The following ASPH variants were observed in gnomAD, a reference collection of about 807,000 sequenced individuals.
The protein encoded by ASPH is aspartate beta-hydroxylase.
In ASPH, 100 loss-of-function variants were observed where a neutral mutation model predicts 118.4. That is an observed-to-expected ratio of 0.84 (90% CI 0.72 to 1.00). The LOEUF is 1.00. ASPH is among the 50% of genes least tolerant of loss of function. The probability of loss-of-function intolerance (pLI) is 0.00; values close to 1 mark genes in which losing one functional copy is unlikely to be tolerated. For synonymous variants in ASPH, 315 were observed against 325.6 expected (o/e 0.97, Z 0.35); for missense variants, 920 against 919.5 (o/e 1.00, Z -0.01).
At chr8:61,626,265 T>C (rs1394832789) in intron 13 of ASPH, 11 of 1,566,038 alleles carry the variant, frequency 7.0e-6, no homozygotes, top group South Asian at 4.8e-5. Flanking sequence ...GGCAGTCTTT[T>C]TGAAGCTTTA....
intron 13 of ASPH, chr8:61,624,241 A>C (rs1373186431): frequency 3.0e-6 from 3 of 985,270 alleles, no homozygotes; most frequent in African/African-American, 1.7e-5. Context: ...TGGGGAAAAA[A>C]GGTGGAGCAG....
rs1366889367 is a variant in ASPH at position 61,678,865 on chromosome 8, AT to A, written c.322+2102del. 2.6e-5 allele frequency among the ~76,000 whole-genome samples: 4 copies of A among 152,222 alleles called. No homozygotes were observed. In the East Asian group the frequency reaches 7.7e-4, roughly 29 times the overall value. ...GAACGTACCTTGGAAGTCTGGCTTC[AT>A]TTTGGGTATATGCTCACTGTAGTGC... On this transcript the variant is annotated intron_variant, in intron 3 of 24. Transcript: ENST00000379454.
intron 12 of ASPH, among the ~76,000 whole-genome samples, chr8:61,634,493 A>C (rs1202336649): frequency 6.6e-6 from 1 of 152,232 alleles, no homozygotes; most frequent in Non-Finnish European, 1.5e-5. Context: ...TTCTTGCATT[A>C]ATTTGCTTCT....
intron 3 of ASPH, among the ~76,000 whole-genome samples, chr8:61,680,077 C>G (rs1258368007): frequency 6.6e-6 from 1 of 151,428 alleles, no homozygotes; most frequent in Non-Finnish European, 1.5e-5. Context: ...CTACTAAAAG[C>G]AGTTTCACTA....
intron 16 of ASPH, among the ~76,000 whole-genome samples, chr8:61,573,206 T>C (rs868143681): frequency 1.3e-3 from 194 of 152,154 alleles, no homozygotes; most frequent in African/African-American, 4.4e-3. Flanking sequence ...CTCAAGGAAA[T>C]CAGAGAGGAC....
At chr8:61,646,913 C>A (rs1808323565) in intron 5 of ASPH, 35 bp from the exon 6 acceptor site, 1 of 1,612,308 alleles carries the variant, frequency 6.2e-7, no homozygotes, top group Non-Finnish European at 8.5e-7. Context: ...TGGCAACATA[C>A]AACTGAGACA....
intron 16 of ASPH, among the ~76,000 whole-genome samples, chr8:61,572,548 G>A (rs903554998): frequency 3.9e-5 from 6 of 152,068 alleles, no homozygotes; most frequent in African/African-American, 1.4e-4. Flanking sequence ...TCAGCTGGCC[G>A]AACCAAAAAC....
intron 1 of ASPH, among the ~76,000 whole-genome samples, chr8:61,712,096 A>C (rs967681808): frequency 4.6e-5 from 7 of 152,244 alleles, no homozygotes; most frequent in African/African-American, 1.7e-4. Context: ...TGAACTAAAC[A>C]ACCTTCAATG....
intron 1 of ASPH, among the ~76,000 whole-genome samples, chr8:61,709,940 T>C (rs1254338598): frequency 1.3e-5 from 2 of 152,202 alleles, no homozygotes; most frequent in African/African-American, 2.4e-5. Context: ...ATCTCAAGAA[T>C]ATACATTTTA....
intron 7 of ASPH, 70 bp downstream of exon 7, chr8:61,644,530 A>T: frequency 9.3e-7 from 1 of 1,073,026 alleles, no homozygotes; most frequent in Non-Finnish European, 1.3e-6. Flanking sequence ...AATAGATATT[A>T]TGTATTTTAT....
intron 21 of ASPH, among the ~76,000 whole-genome samples, chr8:61,533,171 C>G (rs919731450): frequency 1.3e-5 from 2 of 151,242 alleles, no homozygotes; most frequent in African/African-American, 4.9e-5. Flanking sequence ...TTAAATTGAG[C>G]CTCTAATCAT....
chr8:61,560,830 G>C (rs988385502), intron 18 of ASPH, among the ~76,000 whole-genome samples: 2 of 151,996 alleles, frequency 1.3e-5, no homozygotes, highest in African/African-American at 4.8e-5. Context: ...CAAATCCACA[G>C]TGTATTAGAG....
intron 24 of ASPH, among the ~76,000 whole-genome samples, chr8:61,514,777 G>T (rs966198574): frequency 6.6e-6 from 1 of 152,044 alleles, no homozygotes; most frequent in African/African-American, 2.4e-5. Context: ...TGTTGCTCAG[G>T]CTGGTCTTGA....
chr8:61,579,751 A>C (rs1405246956), intron 15 of ASPH: 4 of 854,940 alleles, frequency 4.7e-6, no homozygotes, highest in Non-Finnish European at 7.9e-6. Flanking sequence ...TCAGGGTAGC[A>C]CTGGGAACAG....
At position 61,652,146 on chromosome 8, in the gene ASPH, T is replaced by A. The variant is rs1295987806; in HGVS notation, c.416-1022A>T. On this transcript the variant is annotated intron_variant, in intron 4 of 24. Transcript: ENST00000379454. ...TCACAAGCCATTTATATATGTAGTC[T>A]TGTGCTATTATAGAGTCTGCCAATC... Among the ~76,000 whole-genome samples the A allele has an allele frequency of 5.3e-5, 8 of 152,248 alleles. No individual in the cohort carries two copies. In the East Asian group the frequency reaches 1.3e-3, roughly 26 times the overall value.
intron 24 of ASPH, among the ~76,000 whole-genome samples, chr8:61,504,572 C>T (rs907084185): frequency 2.0e-5 from 3 of 152,144 alleles, no homozygotes; most frequent in African/African-American, 4.8e-5. Context: ...GCTTCACAAC[C>T]GTGGTACTAC....
intron 1 of ASPH, among the ~76,000 whole-genome samples, chr8:61,703,733 C>A (rs1453512352): frequency 6.6e-6 from 1 of 152,140 alleles, no homozygotes; most frequent in Non-Finnish European, 1.5e-5. Flanking sequence ...TAATCATAAA[C>A]CCTAGCATGC....
At chr8:61,651,173 A>C in intron 4 of ASPH, 49 bp from the exon 5 acceptor site, 1 of 1,462,694 alleles carries the variant, frequency 6.8e-7, no homozygotes, top group South Asian at 1.1e-5. Flanking sequence ...AAACATCAAC[A>C]TGGACCCCTA....
At chr8:61,653,039 T>C (rs1306771503) in intron 4 of ASPH, among the ~76,000 whole-genome samples, 2 of 152,216 alleles carry the variant, frequency 1.3e-5, no homozygotes, top group African/African-American at 2.4e-5. Flanking sequence ...ACGACTTTCC[T>C]ACCTATAGTC....
Sources: allele counts gnomAD v4.1 joint callset (sites outside exome capture counted in the v4.1 genomes callset), GRCh38; gene constraint gnomAD v4.1.1; transcripts MANE v1.5; gene names NCBI Gene and HGNC (gene_info 2026-07-23, HGNC 2026-07-21).